NRXN3: variants seen among roughly 807,000 people sequenced by gnomAD.
NRXN3 encodes neurexin 3.
In NRXN3, 32 loss-of-function variants were observed where a neutral mutation model predicts 137.6. The observed-to-expected ratio is 0.23, with a 90% confidence interval of 0.18 to 0.31. The LOEUF is 0.31. Among genes scored for constraint, NRXN3 ranks in the 10% least tolerant of loss-of-function variants. The pLI, the probability that NRXN3 is intolerant of heterozygous loss-of-function variation, is 1.00. For missense variants in NRXN3, 1,574 were observed against 2,062.5 expected, an observed-to-expected ratio of 0.76 and a Z score of 4.59; for synonymous variants, 798 against 784.5, an observed-to-expected ratio of 1.02 and a Z score of -0.29.
At chr14:79,506,087 A>ATTT (rs1169867982) in intron 16 of NRXN3, among the ~76,000 whole-genome samples, 5 of 152,234 alleles carry the variant, frequency 3.3e-5, no homozygotes, top group Non-Finnish European at 7.3e-5. Flanking sequence ...CCAGCAACAG[A>ATTT]GACTAAATCA....
chr14:79,754,216 G>T (rs1210713010), intron 19 of NRXN3, among the ~76,000 whole-genome samples: 1 of 151,618 alleles, frequency 6.6e-6, no homozygotes, highest in Non-Finnish European at 1.5e-5. Flanking sequence ...GTGGCACATG[G>T]CTGTAATCCC....
intron 4 of NRXN3, among the ~76,000 whole-genome samples, chr14:78,591,517 G>C (rs2097116019): frequency 6.6e-6 from 1 of 152,134 alleles, no homozygotes; most frequent in East Asian, 1.9e-4. Flanking sequence ...GACACTCTAA[G>C]ACTCACAATT....
chr14:78,512,533 A>T (rs1326418648), intron 4 of NRXN3, among the ~76,000 whole-genome samples: 1 of 152,196 alleles, frequency 6.6e-6, no homozygotes, highest in Non-Finnish European at 1.5e-5. Context: ...GCTGGCCAAT[A>T]TCTGCCACAC....
intron 15 of NRXN3, among the ~76,000 whole-genome samples, chr14:79,055,772 G>T (rs1408433702): frequency 6.6e-6 from 1 of 152,082 alleles, no homozygotes; most frequent in Non-Finnish European, 1.5e-5. Flanking sequence ...AAGGTGGGCT[G>T]GAGTTAGGAG....
chr14:78,536,037 G>T (rs935753127), intron 4 of NRXN3, among the ~76,000 whole-genome samples: 1 of 152,050 alleles, frequency 6.6e-6, no homozygotes, highest in Non-Finnish European at 1.5e-5. Flanking sequence ...AGCAAAAAAT[G>T]GGGTCTGAGA....
chr14:79,832,352 T>C (rs114919512), intron 20 of NRXN3, among the ~76,000 whole-genome samples: 95 of 152,284 alleles, frequency 6.2e-4, no homozygotes, highest in African/African-American at 2.2e-3. Context: ...CTAAGTTGCA[T>C]TGTGGAACTA....
chr14:78,919,140 G>C (rs929435753), intron 10 of NRXN3, among the ~76,000 whole-genome samples: 17 of 152,116 alleles, frequency 1.1e-4, no homozygotes, highest in African/African-American at 3.6e-4. Context: ...TCCATCACTA[G>C]AATATTTTTC....
intron 4 of NRXN3, among the ~76,000 whole-genome samples, chr14:78,361,659 C>T (rs535230801): frequency 3.0e-4 from 46 of 152,106 alleles, no homozygotes; most frequent in Middle Eastern, 3.4e-3. Flanking sequence ...TTTATTGACT[C>T]GGGACATTTA....
chr14:79,380,836 C>T (rs192898702), intron 15 of NRXN3, among the ~76,000 whole-genome samples: 6 of 151,994 alleles, frequency 3.9e-5, no homozygotes, highest in African/African-American at 9.7e-5. Context: ...GTCAGTGTGG[C>T]GATTCCTCAG....
At chr14:78,842,964 C>T (rs1190411109) in intron 10 of NRXN3, among the ~76,000 whole-genome samples, 1 of 152,082 alleles carries the variant, frequency 6.6e-6, no homozygotes, top group Non-Finnish European at 1.5e-5. Flanking sequence ...ATTGTTCAAA[C>T]ACACATGCTC....
At chr14:79,393,723 G>C (rs565544401) in intron 15 of NRXN3, among the ~76,000 whole-genome samples, 1 of 152,162 alleles carries the variant, frequency 6.6e-6, no homozygotes, top group African/African-American at 2.4e-5. Context: ...GCTGAGGCAG[G>C]AGAATGGCGT....
intron 8 of NRXN3, among the ~76,000 whole-genome samples, chr14:78,769,157 A>G (rs1374604537): frequency 6.6e-6 from 1 of 152,230 alleles, no homozygotes; most frequent in Non-Finnish European, 1.5e-5. Context: ...CTTATGAATA[A>G]CAAAAGACAC....
intron 16 of NRXN3, among the ~76,000 whole-genome samples, chr14:79,563,888 G>C (rs900593045): frequency 6.6e-6 from 1 of 151,786 alleles, no homozygotes; most frequent in African/African-American, 2.4e-5. Flanking sequence ...TAAATAGCTG[G>C]GTCTTATTGA....
chr14:79,470,940 A>AAGAG (rs370918167), intron 16 of NRXN3, among the ~76,000 whole-genome samples: 66 of 101,238 alleles, frequency 6.5e-4, no homozygotes, highest in African/African-American at 2.4e-3. Flanking sequence ...GAGAGAGAGA[A>AAGAG]AGAGAGAGAG....
At chr14:79,392,366 C>A (rs918810902) in intron 15 of NRXN3, among the ~76,000 whole-genome samples, 1 of 152,114 alleles carries the variant, frequency 6.6e-6, no homozygotes, top group Non-Finnish European at 1.5e-5. Flanking sequence ...GGTGTATATA[C>A]CACATTTTCT....
At chr14:79,571,828 A>G (rs2153798488) in intron 16 of NRXN3, among the ~76,000 whole-genome samples, 1 of 152,268 alleles carries the variant, frequency 6.6e-6, no homozygotes, top group South Asian at 2.1e-4. Context: ...GAGGTAATTA[A>G]TCCTTACCCG....
chr14:78,505,028 G>A (rs552865934), intron 4 of NRXN3, among the ~76,000 whole-genome samples: 11 of 152,148 alleles, frequency 7.2e-5, no homozygotes, highest in African/African-American at 2.6e-4. Flanking sequence ...GCCTTAACAA[G>A]CATTAAGACC....
intron 4 of NRXN3, among the ~76,000 whole-genome samples, chr14:78,553,393 C>T (rs1282499961): frequency 6.6e-6 from 1 of 152,230 alleles, no homozygotes; most frequent in African/African-American, 2.4e-5. Flanking sequence ...GTTGGTGAAC[C>T]CTGCTACAGT....
chr14:79,552,455 A>G (rs986454630), intron 16 of NRXN3, among the ~76,000 whole-genome samples: 6 of 152,184 alleles, frequency 3.9e-5, no homozygotes, highest in African/African-American at 1.2e-4. Context: ...TAGGGTGTGT[A>G]GGGATGAAGG....
Sources: allele counts gnomAD v4.1 joint callset (sites outside exome capture counted in the v4.1 genomes callset), GRCh38; gene constraint gnomAD v4.1.1; transcripts MANE v1.5; gene names NCBI Gene and HGNC (gene_info 2026-07-23, HGNC 2026-07-21).